TRRAP: variants seen among roughly 807,000 people sequenced by gnomAD.
The protein encoded by TRRAP is transformation/transcription domain associated protein.
TRRAP carries 41 observed loss-of-function variants against 438.8 expected under a neutral mutation model. The ratio of observed to expected loss-of-function variants is 0.09; its 90% confidence interval spans 0.07 to 0.12. The LOEUF (loss-of-function observed/expected upper bound fraction) is 0.12. Among genes scored for constraint, TRRAP ranks in the 10% least tolerant of loss-of-function variants. The pLI, the probability that TRRAP is intolerant of heterozygous loss-of-function variation, is 1.00. For missense variants in TRRAP, 3,122 were observed against 5,055.1 expected (o/e 0.62, Z 11.60); for synonymous variants, 1,994 against 1,962.9 (o/e 1.02, Z -0.42).
At chr7:98,995,838 T>C (rs1357766761) in intron 67 of TRRAP, among the ~76,000 whole-genome samples, 1 of 150,634 alleles carries the variant, frequency 6.6e-6, no homozygotes, top group African/African-American at 2.5e-5. Context: ...TCTTGTCCCA[T>C]CATAGACACC....
chr7:98,931,598 A>G lies in TRRAP; in HGVS notation c.3785A>G (p.His1262Arg). The change falls in exon 26 of 73, where the codon CAT (histidine) becomes CGT (arginine). Residue 1262 changes from histidine (H) to arginine (R), a missense_variant. Physicochemically the swap from His to Arg is conservative, Grantham distance 29. Around this residue, in one of 24 missense-constraint regions of TRRAP, gnomAD observed 153 missense variants for 223.0 expected, o/e 0.69. Coordinates refer to ENST00000456197, the MANE Select transcript of TRRAP (RefSeq NM_001375524.1). ...TCCACTGTGAGGAAGCAGGCCATGC[A>G]TTCGCTGCAGGTGTTGGCCCAGGTC... is the stretch of plus-strand genomic sequence containing the variant. ...PNSTVRKQAM[H>R]SLQVLAQVTG... is the part of the protein sequence containing the mutation. The G allele has an allele frequency of 1.2e-6, 2 of 1,614,244 alleles. No homozygotes were observed. The highest frequency in any genetic ancestry group is 1.1e-5 in the South Asian group (1 of 91,084).
In TRRAP at chr7:98,967,170, C is replaced by T; in HGVS notation, c.7298+8C>T. 6.2e-7 allele frequency: 1 copy of T among 1,612,150 alleles called. No homozygotes were observed. The highest frequency in any genetic ancestry group is 8.5e-7 in the Non-Finnish European group (1 of 1,179,224). On this transcript the variant is annotated splice_region_variant and intron_variant, in intron 50 of 72. Coordinates refer to ENST00000456197, the MANE Select transcript of TRRAP (RefSeq NM_001375524.1). ...TGTTAACTATGTCTACAGGTAATTA[C>T]AGCAATTAATCAAGTACTACATATA... is the stretch of plus-strand genomic sequence containing the variant.
Position 98,930,835 on chromosome 7 carries a change from G to A in TRRAP, c.3591+5G>A. The A allele has an allele frequency of 6.2e-7, 1 of 1,614,192 alleles. No individual in the cohort carries two copies. Reference sequence around the variant, plus strand: ...ATGATGGACTTAACTGGAGAGGTAGGTGATGGGTGGCCCCAAACCTAACCA... The same window carrying A: ...ATGATGGACTTAACTGGAGAGGTAGATGATGGGTGGCCCCAAACCTAACCA... On this transcript the variant is annotated splice_donor_5th_base_variant and intron_variant, in intron 25 of 72. Coordinates refer to ENST00000456197, the MANE Select transcript of TRRAP (RefSeq NM_001375524.1).
At chr7:98,879,807 A>C (rs73711443) in intron 1 of TRRAP, among the ~76,000 whole-genome samples, 2 of 152,064 alleles carry the variant, frequency 1.3e-5, no homozygotes, top group Admixed American at 6.5e-5. Flanking sequence ...TGTCTAGGAG[A>C]GAGTGGCCGG....
At chr7:98,949,971 C>CTG in intron 37 of TRRAP, 93 bp from the exon 38 acceptor site, 1 of 1,574,978 alleles carries the variant, frequency 6.3e-7, no homozygotes, top group Non-Finnish European at 8.6e-7. Flanking sequence ...GGAGAATGGG[C>CTG]TGTGTCTCTG....
chr7:98,933,198 A>C (rs782056571), intron 26 of TRRAP, 43 bp from the exon 27 acceptor site: 1 of 1,561,388 alleles, frequency 6.4e-7, no homozygotes, highest in East Asian at 2.3e-5. Context: ...TTTGTGTCTC[A>C]AGGGGCAGCT....
At position 99,008,378 on chromosome 7, in the gene TRRAP, G is replaced by T; in HGVS notation, c.10755G>T (p.Val3585=). Residue 3585 remains valine, a splice_region_variant and synonymous_variant, in exon 70 of 73, where the codon GTG becomes GTT. Transcript: ENST00000456197. ...ETTKRHLFFT[V]PRVVAVSPQM... Reference sequence around the variant, plus strand: ...CCGTTTCTCTTCCTCTCTCCCCAGTGCCCCGGGTTGTGGCAGTTTCCCCAC... The same window carrying T: ...CCGTTTCTCTTCCTCTCTCCCCAGTTCCCCGGGTTGTGGCAGTTTCCCCAC... 16 of 1,613,876 alleles carry T rather than the reference G, an allele frequency of 9.9e-6. No homozygotes were observed. Among genetic ancestry groups the T allele is most frequent in the Non-Finnish European group, 1.4e-5 (16 of 1,179,860 alleles).
At position 98,967,541 on chromosome 7, in the gene TRRAP, C is replaced by T. The variant is rs940227580; in HGVS notation, c.7355C>T (p.Ser2452Phe). ...LTAKLEPAFLSGLRCAQPLIR... is the reference protein window; with the variant it reads ...LTAKLEPAFLFGLRCAQPLIR... ...GCGAAACTTGAGCCTGCCTTTCTCT[C>T]TGGGCTGCGCTGTGCCCAGCCACTC... The change falls in exon 51 of 73, where the codon TCT becomes TTT. Residue 2452 changes from serine to phenylalanine, a missense_variant. Physicochemically the swap from Ser to Phe is radical, Grantham distance 155 (BLOSUM62 -2). Around this residue, in one of 24 missense-constraint regions of TRRAP, gnomAD observed 992 missense variants for 1,281.2 expected, o/e 0.77. Coordinates refer to ENST00000456197, the MANE Select transcript of TRRAP (RefSeq NM_001375524.1). 1.2e-6 allele frequency: 2 copies of T among 1,614,104 alleles called. No individual in the cohort carries two copies. The highest frequency in any genetic ancestry group is 1.7e-6 in the Non-Finnish European group (2 of 1,180,024).
At chr7:98,983,209 C>A (rs1188346353) in intron 59 of TRRAP, 55 bp from the exon 60 acceptor site, 1 of 1,481,716 alleles carries the variant, frequency 6.7e-7, no homozygotes, top group Non-Finnish European at 9.1e-7. Flanking sequence ...GTGTGTTTTT[C>A]CCGTTTGATC....
In TRRAP at chr7:98,941,364, C is replaced by A. The variant is rs544945417; in HGVS notation, c.4405-1585C>A. Among the ~76,000 whole-genome samples, 76 of 152,198 alleles carry A rather than the reference C, an allele frequency of 5.0e-4. 1 individual carries two copies. Among genetic ancestry groups the A allele is most frequent in the African/African-American group, 1.8e-3 (73 of 41,538 alleles). On this transcript the variant is annotated intron_variant, in intron 30 of 72. Coordinates refer to ENST00000456197, the MANE Select transcript of TRRAP (RefSeq NM_001375524.1). ...CTAGTTTTTGCGTTTTTAGTAGAGA[C>A]CAGGTCACACCATGTTGGCCTGGCT...
rs1360469656 is a variant in TRRAP at position 98,899,665 on chromosome 7, A to G, written c.712-14A>G. 1 of 1,613,998 alleles carries G rather than the reference A, an allele frequency of 6.2e-7. No homozygotes were observed. The highest frequency in any genetic ancestry group is 1.3e-5 in the African/African-American group (1 of 74,930). On this transcript the variant is annotated splice_polypyrimidine_tract_variant and intron_variant, in intron 9 of 72. Coordinates refer to ENST00000456197, the MANE Select transcript of TRRAP (RefSeq NM_001375524.1). ...GAGTGTCAATGTATGAAAATCTGGT[A>G]TGTTTGCTTTTAGCTCTACAAACTG...
chr7:98,965,474 A>G (rs895717391), intron 48 of TRRAP, among the ~76,000 whole-genome samples: 1 of 152,084 alleles, frequency 6.6e-6, no homozygotes, highest in African/African-American at 2.4e-5. Flanking sequence ...AGCCACCTGC[A>G]CTGGTCCGTC....
chr7:98,989,667 A>G (rs1271688399), intron 63 of TRRAP, among the ~76,000 whole-genome samples: 1 of 152,240 alleles, frequency 6.6e-6, no homozygotes, highest in African/African-American at 2.4e-5. Flanking sequence ...AGCTACACGC[A>G]CTGCTTCAGT....
intron 30 of TRRAP, among the ~76,000 whole-genome samples, chr7:98,938,827 A>G (rs1260452432): frequency 3.3e-5 from 5 of 152,228 alleles, no homozygotes; most frequent in East Asian, 3.8e-4. Flanking sequence ...GATCAAAAGA[A>G]TGTATGCATT....
At chr7:98,962,760 C>T (rs1410411253) in intron 47 of TRRAP, among the ~76,000 whole-genome samples, 1 of 152,230 alleles carries the variant, frequency 6.6e-6, no homozygotes, top group African/African-American at 2.4e-5. Context: ...CTCTGCCTTT[C>T]ACCACCAGCC....
At position 98,999,463 on chromosome 7, in the gene TRRAP, C is replaced by T. The variant is rs566710655; in HGVS notation, c.10309+4615C>T. ...GATGGGAGGGGCTTGAGCTATCCTT[C>T]TCGGCACTTTTTCCTGAGAACTTAT... On this transcript the variant is annotated intron_variant, in intron 67 of 72. Coordinates refer to ENST00000456197, the MANE Select transcript of TRRAP (RefSeq NM_001375524.1). 43 of 825,586 alleles carry T rather than the reference C, an allele frequency of 5.2e-5. No individual in the cohort carries two copies. The African/African-American group carries it at 6.7e-4, about 13-fold the overall frequency. 51.1% of individuals were successfully genotyped at this position (825,586 alleles called of 1,614,324 possible).
intron 63 of TRRAP, among the ~76,000 whole-genome samples, chr7:98,989,260 G>A (rs957696012): frequency 3.3e-5 from 5 of 152,248 alleles, no homozygotes; most frequent in Non-Finnish European, 7.3e-5. Flanking sequence ...AGGAGGGGAT[G>A]TGGAGCTAGA....
intron 13 of TRRAP, among the ~76,000 whole-genome samples, chr7:98,907,945 GC>G (rs1320717885): frequency 6.6e-6 from 1 of 152,174 alleles, no homozygotes; most frequent in Non-Finnish European, 1.5e-5. Flanking sequence ...AGCCACACTG[GC>G]CCCTATAGCT....
chr7:98,967,257 A>G (rs1792198416), intron 50 of TRRAP, 95 bp downstream of exon 50: 2 of 1,472,106 alleles, frequency 1.4e-6, no homozygotes, highest in Non-Finnish European at 1.8e-6. Context: ...TCTTTTACTC[A>G]TACCTAAGTT....
Sources: allele counts gnomAD v4.1 joint callset (sites outside exome capture counted in the v4.1 genomes callset), GRCh38; gene constraint gnomAD v4.1.1; regional missense constraint gnomAD v4.1.1; transcripts MANE v1.5; gene names NCBI Gene and HGNC (gene_info 2026-07-23, HGNC 2026-07-21).